Variants in GPC6 observed in about 807,000 individuals in gnomAD.
The protein encoded by GPC6 is glypican-6.
A neutral mutation model predicts 55.2 loss-of-function variants in GPC6; 14 were observed. The observed-to-expected ratio is 0.25, with a 90% CI of 0.17 to 0.40. GPC6 has a LOEUF of 0.40. Among genes scored for constraint, GPC6 ranks in the 10% least tolerant of loss-of-function variants. The probability of loss-of-function intolerance (pLI) is 1.00; values close to 1 mark genes in which losing one functional copy is unlikely to be tolerated. For missense variants in GPC6, 641 were observed against 708.5 expected (o/e 0.90, Z 1.08); for synonymous variants, 278 against 259.6 (o/e 1.07, Z -0.68).
chr13:93,692,973 T>C (rs2138783054), intron 2 of GPC6, among the ~76,000 whole-genome samples: 1 of 152,284 alleles, frequency 6.6e-6, no homozygotes, highest in South Asian at 2.1e-4. Flanking sequence ...CCTAGCCTGG[T>C]TTCCATAAAT....
chr13:93,546,682 T>G (rs1330836972), intron 2 of GPC6, among the ~76,000 whole-genome samples: 4 of 152,328 alleles, frequency 2.6e-5, no homozygotes, highest in East Asian at 1.9e-4. Flanking sequence ...CTCTTGATTA[T>G]AGGTTACAAA....
chr13:93,413,093 G>A (rs1395587041), intron 1 of GPC6, among the ~76,000 whole-genome samples: 1 of 152,180 alleles, frequency 6.6e-6, no homozygotes, highest in Non-Finnish European at 1.5e-5. Flanking sequence ...GTGATTATCA[G>A]TGATAAAAAT....
At chr13:94,319,951 A>G (rs1876731564) in intron 6 of GPC6, among the ~76,000 whole-genome samples, 1 of 152,176 alleles carries the variant, frequency 6.6e-6, no homozygotes, top group African/African-American at 2.4e-5. Context: ...TATGTCTTCA[A>G]ATATTGCTTC....
At chr13:93,935,293 G>A (rs1049706797) in intron 3 of GPC6, among the ~76,000 whole-genome samples, 3 of 151,996 alleles carry the variant, frequency 2.0e-5, no homozygotes, top group Non-Finnish European at 2.9e-5. Flanking sequence ...AGTTCCCATT[G>A]TCTATTATTT....
At chr13:93,550,353 T>C (rs1310550312) in intron 2 of GPC6, among the ~76,000 whole-genome samples, 1 of 152,112 alleles carries the variant, frequency 6.6e-6, no homozygotes, top group Admixed American at 6.6e-5. Context: ...CCATATGAAG[T>C]TTTTTGTTTA....
intron 2 of GPC6, among the ~76,000 whole-genome samples, chr13:93,666,812 C>G (rs1184725893): frequency 6.6e-6 from 1 of 152,126 alleles, no homozygotes; most frequent in Non-Finnish European, 1.5e-5. Flanking sequence ...TTTAAAGGAG[C>G]TGGTCCAACA....
At chr13:93,735,722 G>A (rs1212224156) in intron 2 of GPC6, among the ~76,000 whole-genome samples, 1 of 152,136 alleles carries the variant, frequency 6.6e-6, no homozygotes, top group African/African-American at 2.4e-5. Flanking sequence ...ATCACTACCT[G>A]TAACAAGGCT....
chr13:93,296,472 A>G (rs1327933046), intron 1 of GPC6, among the ~76,000 whole-genome samples: 1 of 152,034 alleles, frequency 6.6e-6, no homozygotes, highest in African/African-American at 2.4e-5. Context: ...TAAACTCGTA[A>G]TTACTCACCC....
chr13:93,218,289 T>C, the GPC6 span, among the ~76,000 whole-genome samples: 4 of 152,170 alleles, frequency 2.6e-5, no homozygotes, highest in Admixed American at 2.0e-4. Context: ...ATAGACCATA[T>C]TCTTCAAGTA....
chr13:94,372,553 G>C (rs1207489496), intron 6 of GPC6, among the ~76,000 whole-genome samples: 3 of 152,000 alleles, frequency 2.0e-5, no homozygotes, highest in Non-Finnish European at 4.4e-5. Context: ...CACCTGGCTC[G>C]GAGGGTCCTA....
intron 2 of GPC6, among the ~76,000 whole-genome samples, chr13:93,604,133 C>G (rs551790921): frequency 2.0e-5 from 3 of 152,172 alleles, no homozygotes; most frequent in Admixed American, 6.5e-5. Flanking sequence ...CTTTGGTTTA[C>G]GTCTCTGAGG....
chr13:94,258,626 C>T (rs919677715), intron 4 of GPC6, among the ~76,000 whole-genome samples: 8 of 152,176 alleles, frequency 5.3e-5, no homozygotes, highest in African/African-American at 1.4e-4. Context: ...GGTATCTTCA[C>T]GCATTCAGCA....
chr13:93,897,136 A>G (rs1876063256), intron 3 of GPC6, among the ~76,000 whole-genome samples: 2 of 152,004 alleles, frequency 1.3e-5, no homozygotes, highest in African/African-American at 4.8e-5. Flanking sequence ...TCATGAAGTC[A>G]GAGAGATTGG....
chr13:93,442,129 G>T (rs1049977809), intron 1 of GPC6, among the ~76,000 whole-genome samples: 1 of 152,182 alleles, frequency 6.6e-6, no homozygotes, highest in East Asian at 1.9e-4. Context: ...AAAGGGAAAG[G>T]TTAATGGAGG....
At chr13:93,664,491 A>T (rs2139617727) in intron 2 of GPC6, among the ~76,000 whole-genome samples, 1 of 152,356 alleles carries the variant, frequency 6.6e-6, no homozygotes, top group East Asian at 1.9e-4. Flanking sequence ...GGCTTTTTAG[A>T]AAAACATACC....
At chr13:93,303,675 T>C (rs2139097709) in intron 1 of GPC6, among the ~76,000 whole-genome samples, 1 of 152,184 alleles carries the variant, frequency 6.6e-6, no homozygotes, top group African/African-American at 2.4e-5. Flanking sequence ...ACATACAATT[T>C]TTTTAAATAC....
intron 2 of GPC6, among the ~76,000 whole-genome samples, chr13:93,792,755 C>G (rs1886084620): frequency 6.6e-6 from 1 of 152,162 alleles, no homozygotes; most frequent in African/African-American, 2.4e-5. Flanking sequence ...AACCTGCATC[C>G]TAAGGACCTG....
intron 2 of GPC6, among the ~76,000 whole-genome samples, chr13:93,809,193 A>C (rs1337634402): frequency 6.6e-6 from 1 of 152,154 alleles, no homozygotes; most frequent in Non-Finnish European, 1.5e-5. Context: ...AACACATTGC[A>C]TTCTCTGCCA....
chr13:93,708,591 T>G (rs1191992764), intron 2 of GPC6, among the ~76,000 whole-genome samples: 1 of 151,820 alleles, frequency 6.6e-6, no homozygotes. Context: ...TTCCTCTTTA[T>G]GAGTGTCCAA....
Sources: allele counts gnomAD v4.1 joint callset (sites outside exome capture counted in the v4.1 genomes callset), GRCh38; gene constraint gnomAD v4.1.1; transcripts MANE v1.5; gene names NCBI Gene and HGNC (gene_info 2026-07-23, HGNC 2026-07-21).